The following RGL1 variants were observed in gnomAD, a reference collection of about 807,000 sequenced individuals.
RGL1 encodes ral guanine nucleotide dissociation stimulator like 1, also known as ral guanine nucleotide dissociation stimulator-like 1.
A neutral mutation model predicts 95.2 loss-of-function variants in RGL1; 24 were observed. The ratio of observed to expected loss-of-function variants is 0.25; its 90% CI spans 0.18 to 0.35. The LOEUF is 0.35. RGL1 is among the 10% of genes least tolerant of loss of function. RGL1 has a pLI of 1.00. For missense variants in RGL1, 715 were observed against 936.3 expected, an observed-to-expected ratio of 0.76 and a Z score of 3.08; for synonymous variants, 329 against 344.9, an observed-to-expected ratio of 0.95 and a Z score of 0.51.
At chr1:183,922,656 GA>G (rs146490334) in intron 17 of RGL1, among the ~76,000 whole-genome samples, 2,449 of 152,274 alleles carry the variant, frequency 0.016, 70 homozygotes, top group African/African-American at 0.056. Flanking sequence ...GAGGGTAGGG[GA>G]GTCTGTTGGG....
chr1:183,675,791 A>G (rs998160858), intron 1 of RGL1, among the ~76,000 whole-genome samples: 2 of 152,098 alleles, frequency 1.3e-5, no homozygotes, highest in African/African-American at 4.8e-5. Context: ...AGTATTTTTA[A>G]AATTTCAGGC....
intron 1 of RGL1, among the ~76,000 whole-genome samples, chr1:183,727,673 G>C (rs1656387733): frequency 6.6e-6 from 1 of 152,092 alleles, no homozygotes; most frequent in African/African-American, 2.4e-5. Flanking sequence ...TTTATTCACA[G>C]ATGACATGAT....
chr1:183,712,268 G>A (rs145212895), intron 1 of RGL1, among the ~76,000 whole-genome samples: 81 of 152,318 alleles, frequency 5.3e-4, no homozygotes, highest in African/African-American at 1.7e-3. Context: ...ACAGTGTGAG[G>A]CCTGTGACAG....
chr1:183,639,631 A>C lies in RGL1; in HGVS notation c.-33+3130A>C, dbSNP rs74396897. On this transcript the variant is annotated intron_variant, in intron 1 of 18. Coordinates refer to the RGL1 transcript ENST00000304685. ...AGTTTTTCCTTTACATAATTTTATGATTACACATTAAAGTGGAATAGATAG... is the reference window on the plus strand; with the variant it reads ...AGTTTTTCCTTTACATAATTTTATGCTTACACATTAAAGTGGAATAGATAG... Among the ~76,000 whole-genome samples, 793 of 151,662 alleles carry C rather than the reference A, an allele frequency of 5.2e-3. 6 individuals are homozygous for C. The highest frequency in any genetic ancestry group is 0.018 in the African/African-American group (748 of 41,344).
chr1:183,900,515 T>A (rs1157250087), intron 11 of RGL1, among the ~76,000 whole-genome samples: 1 of 152,164 alleles, frequency 6.6e-6, no homozygotes, highest in African/African-American at 2.4e-5. Flanking sequence ...ATTATTATTA[T>A]TTTTTTGAGA....
At chr1:183,881,670 A>AG (rs1666834289) in intron 5 of RGL1, among the ~76,000 whole-genome samples, 1 of 152,254 alleles carries the variant, frequency 6.6e-6, no homozygotes. Context: ...AGCACCAATA[A>AG]GGAAAGCTGC....
intron 3 of RGL1, among the ~76,000 whole-genome samples, chr1:183,864,519 G>A (rs1309857703): frequency 3.3e-5 from 5 of 152,312 alleles, no homozygotes; most frequent in Middle Eastern, 6.8e-3. Flanking sequence ...CTACGATGTT[G>A]GCCAAGTATA....
At chr1:183,780,158 T>G (rs1452973196) in intron 2 of RGL1, among the ~76,000 whole-genome samples, 1 of 152,228 alleles carries the variant, frequency 6.6e-6, no homozygotes, top group Non-Finnish European at 1.5e-5. Flanking sequence ...TTGCAAATAA[T>G]TATTTTGGTG....
At chr1:183,840,149 G>A (rs549012512) in intron 2 of RGL1, among the ~76,000 whole-genome samples, 58 of 152,306 alleles carry the variant, frequency 3.8e-4, no homozygotes, top group African/African-American at 1.4e-3. Flanking sequence ...CCCCCTGGGT[G>A]TGGGCCAGGA....
At chr1:183,904,584 T>A (rs1459348369) in intron 12 of RGL1, among the ~76,000 whole-genome samples, 1 of 152,180 alleles carries the variant, frequency 6.6e-6, no homozygotes, top group African/African-American at 2.4e-5. Flanking sequence ...GTTGCTTTGG[T>A]AGCTTGTTTT....
chr1:183,693,606 C>T (rs1654088114), intron 1 of RGL1, among the ~76,000 whole-genome samples: 1 of 149,746 alleles, frequency 6.7e-6, no homozygotes, highest in African/African-American at 2.5e-5. Flanking sequence ...TCACAAGTGC[C>T]TACTGGTGGA....
intron 1 of RGL1, among the ~76,000 whole-genome samples, chr1:183,673,697 GTAC>G (rs755930505): frequency 2.6e-5 from 4 of 152,168 alleles, no homozygotes; most frequent in Non-Finnish European, 5.9e-5. Flanking sequence ...GTTTTTCTGT[GTAC>G]TTACATCACA....
chr1:183,788,655 C>T (rs1452947245), intron 2 of RGL1, among the ~76,000 whole-genome samples: 2 of 151,986 alleles, frequency 1.3e-5, no homozygotes, highest in Non-Finnish European at 2.9e-5. Flanking sequence ...ATTTACCTGG[C>T]CCTTGACAGA....
At position 183,666,058 on chromosome 1, in the gene RGL1, T is replaced by C. The variant is rs1256566316; in HGVS notation, c.-33+29557T>C. 4.1e-5 allele frequency among the ~76,000 whole-genome samples: 6 copies of C among 147,810 alleles called. No homozygotes were observed. The East Asian group carries it at 1.2e-3, about 29-fold the overall frequency. On this transcript the variant is annotated intron_variant, in intron 1 of 18. Transcript: ENST00000304685. ...TTCGCTCTTTTTGCCCAGGCTGGAG[T>C]GCAATGGCGTGATCTCGGCTCACTG...
chr1:183,662,990 G>T (rs1318243880), intron 1 of RGL1, among the ~76,000 whole-genome samples: 2 of 152,032 alleles, frequency 1.3e-5, no homozygotes, highest in Middle Eastern at 3.2e-3. Flanking sequence ...AAATGGTGCT[G>T]GGAAAACTGG....
intron 2 of RGL1, among the ~76,000 whole-genome samples, chr1:183,746,903 T>C (rs1183211594): frequency 6.6e-6 from 1 of 152,046 alleles, no homozygotes; most frequent in Non-Finnish European, 1.5e-5. Flanking sequence ...GAACATGCAG[T>C]GTTTGGTTTT....
At chr1:183,717,368 AC>A (rs1217817818) in intron 1 of RGL1, among the ~76,000 whole-genome samples, 2 of 152,188 alleles carry the variant, frequency 1.3e-5, no homozygotes, top group Non-Finnish European at 2.9e-5. Context: ...AAGATATTAA[AC>A]ATACTTTCTC....
At chr1:183,696,239 C>T (rs1219330268) in intron 1 of RGL1, among the ~76,000 whole-genome samples, 2 of 152,162 alleles carry the variant, frequency 1.3e-5, no homozygotes, top group Non-Finnish European at 2.9e-5. Context: ...GCTCTCCTGG[C>T]TTTCTTCCCA....
At chr1:183,819,127 CTTA>C (rs1662281257) in intron 2 of RGL1, among the ~76,000 whole-genome samples, 1 of 152,168 alleles carries the variant, frequency 6.6e-6, no homozygotes, top group Non-Finnish European at 1.5e-5. Flanking sequence ...TTTCATGTAT[CTTA>C]TTATATCTGG....
Sources: gnomAD v4.1 joint callset for allele counts (sites outside exome capture counted in the v4.1 genomes callset) on GRCh38, gnomAD v4.1.1 for gene constraint, MANE v1.5 for transcripts, NCBI Gene and HGNC (gene_info 2026-07-23, HGNC 2026-07-21) for gene names.